FBN2: variants seen among roughly 807,000 people sequenced by gnomAD.
FBN2 encodes fibrillin-2.
In FBN2, 105 loss-of-function variants were observed where a neutral mutation model predicts 355.6. The observed-to-expected ratio is 0.30, with a 90% CI of 0.25 to 0.35. The LOEUF (loss-of-function observed/expected upper bound fraction) is 0.35. Among genes scored for constraint, FBN2 ranks in the 10% least tolerant of loss-of-function variants. The probability of loss-of-function intolerance (pLI) is 1.00; values close to 1 mark genes in which losing one functional copy is unlikely to be tolerated. For synonymous variants in FBN2, 1,350 were observed against 1,301.2 expected, an observed-to-expected ratio of 1.04 and a Z score of -0.81; for missense variants, 3,280 against 3,758.7, an observed-to-expected ratio of 0.87 and a Z score of 3.33.
At chr5:128,486,467 T>C (rs1308901496) in intron 5 of FBN2, among the ~76,000 whole-genome samples, 1 of 152,162 alleles carries the variant, frequency 6.6e-6, no homozygotes, top group Non-Finnish European at 1.5e-5. Context: ...CTAATCAATA[T>C]TTAGCTGTAT....
intron 20 of FBN2, among the ~76,000 whole-genome samples, chr5:128,356,819 G>T (rs1751514968): frequency 6.6e-6 from 1 of 152,116 alleles, no homozygotes; most frequent in Admixed American, 6.5e-5. Flanking sequence ...ATTTATGATT[G>T]ATGGAAAAAA....
chr5:128,344,757 A>G (rs541937818), intron 24 of FBN2, among the ~76,000 whole-genome samples: 40 of 151,304 alleles, frequency 2.6e-4, no homozygotes, highest in African/African-American at 9.2e-4. Context: ...CTGGAGTGCA[A>G]TGGCACAATC....
In FBN2 at chr5:128,378,763, T is replaced by C; in HGVS notation, c.1723+8A>G. ...AACATTTTCATATGTGAAAGCAAAC[T>C]GCCTTACCAATGCATGCTTGCTTGG... is the stretch of plus-strand genomic sequence containing the variant. On this transcript the variant is annotated splice_region_variant and intron_variant, in intron 12 of 64. Coordinates refer to ENST00000262464, the MANE Select transcript of FBN2 (RefSeq NM_001999.4). 1 of 1,612,862 alleles carries C rather than the reference T, an allele frequency of 6.2e-7. No homozygotes were observed. The highest frequency in any genetic ancestry group is 8.5e-7 in the Non-Finnish European group (1 of 1,179,188).
At chr5:128,357,503 A>C (rs1751533244) in intron 19 of FBN2, 108 bp from the exon 20 acceptor site, 1 of 1,299,214 alleles carries the variant, frequency 7.7e-7, no homozygotes, top group Non-Finnish European at 1.1e-6. Flanking sequence ...TGGCTCTGGT[A>C]ATTTTAATAT....
chr5:128,305,433 A>C, intron 44 of FBN2, 78 bp downstream of exon 44: 1 of 1,519,912 alleles, frequency 6.6e-7, no homozygotes, highest in Non-Finnish European at 9.1e-7. Context: ...TTCCCAAATT[A>C]TTCTTGAAGT....
intron 34 of FBN2, among the ~76,000 whole-genome samples, chr5:128,322,356 G>T (rs915285604): frequency 6.6e-6 from 1 of 152,090 alleles, no homozygotes; most frequent in African/African-American, 2.4e-5. Flanking sequence ...TGAAGTCTTT[G>T]CCCATGCCTA....
intron 5 of FBN2, among the ~76,000 whole-genome samples, chr5:128,471,780 T>G (rs1754867384): frequency 2.0e-5 from 3 of 152,310 alleles, no homozygotes; most frequent in African/African-American, 4.8e-5. Flanking sequence ...TTGGATCATT[T>G]AAGCTTCAGG....
intron 34 of FBN2, among the ~76,000 whole-genome samples, chr5:128,324,931 C>T (rs1417728929): frequency 6.6e-6 from 1 of 152,134 alleles, no homozygotes; most frequent in Non-Finnish European, 1.5e-5. Flanking sequence ...GAGTGAGTTT[C>T]TTAACCCTGA....
intron 8 of FBN2, among the ~76,000 whole-genome samples, chr5:128,396,546 G>A (rs951597929): frequency 1.3e-5 from 2 of 152,196 alleles, no homozygotes; most frequent in Non-Finnish European, 2.9e-5. Context: ...GAAGTGACAT[G>A]ATCAAATATG....
intron 6 of FBN2, among the ~76,000 whole-genome samples, chr5:128,456,272 G>A (rs1754392194): frequency 6.6e-6 from 1 of 152,084 alleles, no homozygotes; most frequent in Non-Finnish European, 1.5e-5. Context: ...TCCAGCCAGA[G>A]GCTCAGAGAC....
chr5:128,311,843 CTT>C (rs1750066281), intron 38 of FBN2, 40 bp downstream of exon 38: 1 of 1,458,014 alleles, frequency 6.9e-7, no homozygotes, highest in Admixed American at 1.7e-5. Flanking sequence ...ATAATTAACT[CTT>C]TACCTTGTTT....
At chr5:128,464,103 T>A (rs142440528) in intron 6 of FBN2, among the ~76,000 whole-genome samples, 1 of 152,216 alleles carries the variant, frequency 6.6e-6, no homozygotes, top group Admixed American at 6.5e-5. Context: ...AATTTTTGGC[T>A]ACTTGGATTG....
At chr5:128,427,824 T>G (rs1753521514) in intron 7 of FBN2, among the ~76,000 whole-genome samples, 1 of 152,176 alleles carries the variant, frequency 6.6e-6, no homozygotes, top group Non-Finnish European at 1.5e-5. Context: ...CTGGGCACCC[T>G]GCAATAAATG....
chr5:128,508,571 G>A (rs183521448), intron 5 of FBN2, among the ~76,000 whole-genome samples: 2 of 151,852 alleles, frequency 1.3e-5, no homozygotes, highest in African/African-American at 2.4e-5. Context: ...ACACCCCATA[G>A]GACATTGTAA....
intron 48 of FBN2, among the ~76,000 whole-genome samples, chr5:128,293,682 G>A (rs1435764999): frequency 6.6e-6 from 1 of 151,916 alleles, no homozygotes; most frequent in African/African-American, 2.4e-5. Flanking sequence ...ATACAAGGAG[G>A]CATATGTATT....
Position 128,364,483 on chromosome 5 carries a change from G to C in FBN2, c.2428+117C>G, listed in dbSNP as rs988210910. ...TTTTCCTGTCAATGTGTAATATGAA[G>C]AAAACAAGAAAAACTGTACAATTTT... On this transcript the variant is annotated intron_variant, in intron 18 of 64. Transcript: ENST00000262464. 3 of 1,123,030 alleles carry C rather than the reference G, an allele frequency of 2.7e-6. No homozygotes were observed. The African/African-American group carries it at 4.7e-5, about 18-fold the overall frequency. 69.6% of individuals were successfully genotyped at this position (1,123,030 alleles called of 1,614,324 possible). A position where few individuals can be genotyped will look rare whatever the true frequency, so the allele number is the denominator to read the frequency against.
At position 128,290,052 on chromosome 5, in the gene FBN2, A is replaced by G. The variant is rs181447856; in HGVS notation, c.6446-105T>C. ...TGAAATTACACTTAATTATGTTTCC[A>G]TTACAAAGCTGTCTATAACAAGACT... On this transcript the variant is annotated intron_variant, in intron 50 of 64. Coordinates refer to ENST00000262464, the MANE Select transcript of FBN2 (RefSeq NM_001999.4). 6.8e-6 allele frequency: 5 copies of G among 737,904 alleles called. No individual in the cohort carries two copies. In the African/African-American group the frequency reaches 7.0e-5, roughly 10 times the overall value. 45.7% of individuals were successfully genotyped at this position (737,904 alleles called of 1,614,324 possible).
chr5:128,430,766 C>T (rs1753598376), intron 7 of FBN2, among the ~76,000 whole-genome samples: 1 of 151,948 alleles, frequency 6.6e-6, no homozygotes, highest in Non-Finnish European at 1.5e-5. Flanking sequence ...ATCCCTTGAG[C>T]CTGGGAGGCG....
At chr5:128,335,801 A>G (rs1466937634) in intron 28 of FBN2, among the ~76,000 whole-genome samples, 187 bp downstream of exon 28, 2 of 152,250 alleles carry the variant, frequency 1.3e-5, no homozygotes. Flanking sequence ...TATGGGGATT[A>G]GAGCATTTTC....
Sources: allele counts gnomAD v4.1 joint callset (sites outside exome capture counted in the v4.1 genomes callset), GRCh38; gene constraint gnomAD v4.1.1; transcripts MANE v1.5; gene names NCBI Gene and HGNC (gene_info 2026-07-23, HGNC 2026-07-21).